Variants in VPS41 observed in about 807,000 individuals in gnomAD.
VPS41 encodes vacuolar protein sorting-associated protein 41 homolog.
A neutral mutation model predicts 130.9 loss-of-function variants in VPS41; 85 were observed. The observed-to-expected ratio is 0.65, with a 90% CI of 0.55 to 0.78. The LOEUF (loss-of-function observed/expected upper bound fraction) is 0.78. Ranked by LOEUF, VPS41 falls within the 30% of genes least tolerant of loss-of-function variation. The pLI, the probability that VPS41 is intolerant of heterozygous loss-of-function variation, is 0.00. For missense variants in VPS41, 874 were observed against 1,018.7 expected (o/e 0.86, Z 1.93); for synonymous variants, 335 against 332.9 (o/e 1.01, Z -0.07).
At chr7:38,902,618 C>G (rs1458133659) in intron 1 of VPS41, among the ~76,000 whole-genome samples, 1 of 152,194 alleles carries the variant, frequency 6.6e-6, no homozygotes, top group African/African-American at 2.4e-5. Flanking sequence ...ATTTCTGACA[C>G]CAAGGCACGC....
chr7:38,894,622 T>C (rs952786856), intron 2 of VPS41, among the ~76,000 whole-genome samples: 3 of 152,138 alleles, frequency 2.0e-5, no homozygotes, highest in African/African-American at 7.2e-5. Context: ...ATTAATCGTA[T>C]CTATCTTCAC....
At chr7:38,904,943 G>A (rs142913645) in intron 1 of VPS41, among the ~76,000 whole-genome samples, 1 of 152,148 alleles carries the variant, frequency 6.6e-6, no homozygotes, top group African/African-American at 2.4e-5. Flanking sequence ...GGGTACCTGG[G>A]GAGCAGGCAA....
intron 2 of VPS41, among the ~76,000 whole-genome samples, chr7:38,871,899 A>T (rs1279540562): frequency 6.6e-6 from 1 of 152,210 alleles, no homozygotes; most frequent in Admixed American, 6.5e-5. Context: ...AGGTTCAAGA[A>T]ATCTTCTCGC....
chr7:38,881,756 T>G (rs1326098359), intron 2 of VPS41, among the ~76,000 whole-genome samples: 1 of 152,108 alleles, frequency 6.6e-6, no homozygotes, highest in Non-Finnish European at 1.5e-5. Context: ...AGTTTCACCA[T>G]CTCCAAAATG....
At chr7:38,886,615 A>G (rs1420901090) in intron 2 of VPS41, among the ~76,000 whole-genome samples, 1 of 152,216 alleles carries the variant, frequency 6.6e-6, no homozygotes, top group East Asian at 1.9e-4. Context: ...AAGGCAGCAG[A>G]CAGCTTCTCC....
chr7:38,896,999 G>A (rs1278792203), intron 2 of VPS41, among the ~76,000 whole-genome samples: 2 of 151,900 alleles, frequency 1.3e-5, no homozygotes, highest in Non-Finnish European at 2.9e-5. Flanking sequence ...TTTGAGAGCA[G>A]CCTGGCCAAC....
chr7:38,864,870 A>T, intron 3 of VPS41, among the ~76,000 whole-genome samples: 1 of 151,978 alleles, frequency 6.6e-6, no homozygotes, highest in Non-Finnish European at 1.5e-5. Flanking sequence ...CTCATTTTCT[A>T]TACTACCAGA....
intron 4 of VPS41, among the ~76,000 whole-genome samples, chr7:38,859,800 G>T (rs555481875): frequency 2.0e-5 from 3 of 152,218 alleles, no homozygotes; most frequent in African/African-American, 7.2e-5. Flanking sequence ...AATATCGTGG[G>T]AATTTAAAAG....
intron 2 of VPS41, among the ~76,000 whole-genome samples, chr7:38,886,163 G>A (rs2116397571): frequency 6.6e-6 from 1 of 152,168 alleles, no homozygotes; most frequent in South Asian, 2.1e-4. Context: ...GACAGTGGGT[G>A]CAGCCCACAG....
intron 10 of VPS41, among the ~76,000 whole-genome samples, chr7:38,784,920 T>A (rs1184619772): frequency 1.3e-5 from 2 of 152,244 alleles, no homozygotes; most frequent in African/African-American, 4.8e-5. Flanking sequence ...GCTACCCAGA[T>A]TTCTTTATTG....
At chr7:38,785,605 G>A (rs1039397306) in intron 10 of VPS41, among the ~76,000 whole-genome samples, 3 of 152,180 alleles carry the variant, frequency 2.0e-5, no homozygotes, top group Non-Finnish European at 4.4e-5. Context: ...ACATTGCTTA[G>A]ACAAAAGAAA....
chr7:38,777,452 G>A (rs1462311031), intron 10 of VPS41, among the ~76,000 whole-genome samples: 1 of 152,112 alleles, frequency 6.6e-6, no homozygotes, highest in African/African-American at 2.4e-5. Flanking sequence ...GGACCCCAAA[G>A]ATCTGACAGA....
At chr7:38,743,717 T>C (rs1369516214) in intron 23 of VPS41, among the ~76,000 whole-genome samples, 175 bp from the exon 24 acceptor site, 1 of 152,188 alleles carries the variant, frequency 6.6e-6, no homozygotes, top group Non-Finnish European at 1.5e-5. Context: ...ATCTCCTATT[T>C]ACTGGATATT....
chr7:38,880,865 C>A (rs1163688443), intron 2 of VPS41, among the ~76,000 whole-genome samples: 3 of 152,198 alleles, frequency 2.0e-5, no homozygotes, highest in African/African-American at 7.2e-5. Flanking sequence ...CATTTAAACA[C>A]ACTCTTGAAC....
chr7:38,769,709 A>G (rs143838065), intron 14 of VPS41, among the ~76,000 whole-genome samples: 22 of 152,278 alleles, frequency 1.4e-4, no homozygotes, highest in African/African-American at 4.3e-4. Flanking sequence ...CCAAAGATTA[A>G]AAGTTTACTG....
intron 27 of VPS41, among the ~76,000 whole-genome samples, chr7:38,728,092 C>T (rs955586851): frequency 6.6e-6 from 1 of 151,968 alleles, no homozygotes; most frequent in Non-Finnish European, 1.5e-5. Flanking sequence ...ATTTTTTTTC[C>T]CAGACATGTA....
intron 6 of VPS41, among the ~76,000 whole-genome samples, chr7:38,820,126 C>T (rs1311933282): frequency 6.6e-6 from 1 of 152,182 alleles, no homozygotes; most frequent in Non-Finnish European, 1.5e-5. Flanking sequence ...TCACCCTCAT[C>T]CAAGCCATCA....
chr7:38,887,937 TAAGTA>T (rs1786771027), intron 2 of VPS41, among the ~76,000 whole-genome samples: 2 of 152,194 alleles, frequency 1.3e-5, no homozygotes, highest in African/African-American at 4.8e-5. Flanking sequence ...CTAAGCTTCA[TAAGTA>T]AAGGAGAAAT....
chr7:38,731,198 T>C (rs1448614280), intron 25 of VPS41, among the ~76,000 whole-genome samples: 1 of 152,242 alleles, frequency 6.6e-6, no homozygotes, highest in Non-Finnish European at 1.5e-5. Flanking sequence ...CTATAGAATG[T>C]AATCATTTAT....
Sources: gnomAD v4.1 joint callset for allele counts (sites outside exome capture counted in the v4.1 genomes callset) on GRCh38, gnomAD v4.1.1 for gene constraint, MANE v1.5 for transcripts, NCBI Gene and HGNC (gene_info 2026-07-23, HGNC 2026-07-21) for gene names.